The following CYP27C1 variants were observed in gnomAD, a reference collection of about 807,000 sequenced individuals.
The protein encoded by CYP27C1 is cytochrome P450 family 27 subfamily C member 1.
A neutral mutation model predicts 40.6 loss-of-function variants in CYP27C1; 29 were observed. The observed-to-expected ratio is 0.71, with a 90% CI of 0.53 to 0.97. CYP27C1 has a LOEUF of 0.97. Among genes scored for constraint, CYP27C1 ranks in the 50% least tolerant of loss-of-function variants. The pLI is 0.00. For synonymous variants in CYP27C1, 198 were observed against 186.8 expected (o/e 1.06, Z -0.49); for missense variants, 390 against 485.8 (o/e 0.80, Z 1.85).
chr2:127,193,041 C>T, intron 8 of CYP27C1, 53 bp downstream of exon 8: 1 of 1,595,134 alleles, frequency 6.3e-7, no homozygotes, highest in Non-Finnish European at 8.6e-7. Context: ...TCCTGTTGTG[C>T]CCAGTAGAAA....
Position 127,218,526 on chromosome 2 carries a change from C to T in CYP27C1, c.282+1463G>A, listed in dbSNP as rs1683486893. Among the ~76,000 whole-genome samples the T allele has an allele frequency of 6.6e-6, 1 of 152,114 alleles. No homozygotes were observed. The highest frequency in any genetic ancestry group is 2.4e-5 in the African/African-American group (1 of 41,414). On this transcript the variant is annotated intron_variant, in intron 1 of 8. Transcript: ENST00000664447. This position sits in a 1 kb window ranked among gnomAD's most constrained non-coding sequence, Gnocchi z 6.0. The stretch of plus-strand genomic sequence containing the variant: ...CGGACTTGAGGAGGGACGGTTGGGA[C>T]TTCCTGGCATTAAAATTAAATTAAA...
chr2:127,188,412 T>C (rs1023780577), intron 8 of CYP27C1, among the ~76,000 whole-genome samples: 4 of 152,148 alleles, frequency 2.6e-5, no homozygotes, highest in Admixed American at 1.3e-4. Flanking sequence ...AACTTTTTAA[T>C]TTTTTCATAG....
At chr2:127,207,856 G>A (rs1245761743) in intron 1 of CYP27C1, among the ~76,000 whole-genome samples, 1 of 152,152 alleles carries the variant, frequency 6.6e-6, no homozygotes, top group East Asian at 1.9e-4. Flanking sequence ...GATATCCCAT[G>A]TTCATGGACT....
chr2:127,205,647 C>A (rs1683209120), intron 2 of CYP27C1: 8 of 983,460 alleles, frequency 8.1e-6, no homozygotes, highest in Non-Finnish European at 8.5e-6. Flanking sequence ...GCTTCCGAAG[C>A]GCTCTGCCCA....
At chr2:127,203,090 C>T (rs146188963) in intron 3 of CYP27C1, among the ~76,000 whole-genome samples, 3,405 of 151,988 alleles carry the variant, frequency 0.022, 130 homozygotes, top group African/African-American at 0.079. Flanking sequence ...ATCGCTTGAA[C>T]CTGGGAGGCA....
intron 2 of CYP27C1, chr2:127,205,574 G>A: frequency 3.5e-6 from 2 of 568,482 alleles, no homozygotes; most frequent in Non-Finnish European, 4.5e-6. Context: ...GCACAGACAA[G>A]GGCGCTGTGA....
At chr2:127,187,445 C>G in intron 8 of CYP27C1, 58 bp from the exon 9 acceptor site, 2 of 1,447,880 alleles carry the variant, frequency 1.4e-6, no homozygotes, top group Non-Finnish European at 1.9e-6. Flanking sequence ...ATTCTCAGTG[C>G]TCCCTGAATG....
intron 2 of CYP27C1, among the ~76,000 whole-genome samples, chr2:127,204,444 G>GA (rs1558930829): frequency 4.3e-5 from 1 of 23,252 alleles, no homozygotes; most frequent in African/African-American, 1.8e-4. Flanking sequence ...GAAAGAAAAA[G>GA]AAAGAAAGAA....
chr2:127,186,057 A>T lies in CYP27C1; in HGVS notation c.*1214T>A, dbSNP rs1373877523. On this transcript the variant is annotated 3_prime_UTR_variant, in exon 9 of 9. Transcript: ENST00000664447. The surrounding 1 kb of genome is among the most constrained non-coding windows in gnomAD (Gnocchi z 4.5). Reference sequence around the variant, plus strand: ...CTGTAGCATCTCTATTTATGTATTTATTTTCCCTTGAAATAAAAATGTTCT... The same window carrying T: ...CTGTAGCATCTCTATTTATGTATTTTTTTTCCCTTGAAATAAAAATGTTCT... The T allele has an allele frequency of 6.6e-6, 1 of 152,126 alleles. No individual in the cohort carries two copies. The highest frequency in any genetic ancestry group is 1.9e-4 in the East Asian group (1 of 5,206). The allele number at this position is 152,126 out of a possible 1,614,324, so 9.4% of individuals were successfully genotyped here.
intron 8 of CYP27C1, among the ~76,000 whole-genome samples, chr2:127,189,113 GGTTT>G (rs1236946316): frequency 1.3e-5 from 2 of 151,868 alleles, no homozygotes; most frequent in African/African-American, 2.4e-5. Flanking sequence ...TTTTCTGAGT[GGTTT>G]GTTTGTTGAA....
At chr2:127,189,468 G>A (rs78593261) in intron 8 of CYP27C1, among the ~76,000 whole-genome samples, 14,892 of 152,004 alleles carry the variant, frequency 0.098, 854 homozygotes, top group Middle Eastern at 0.14. Context: ...ATAGGGGGAA[G>A]AGGAGGGAAA....
chr2:127,207,145 G>A (rs34703177), intron 1 of CYP27C1, among the ~76,000 whole-genome samples: 26,511 of 151,988 alleles, frequency 0.17, 2,830 homozygotes, highest in East Asian at 0.29. Context: ...TGGGTGGATC[G>A]CTAGAGCACA....
chr2:127,208,481 A>G lies in CYP27C1; in HGVS notation c.283-2391T>C, dbSNP rs1388281519. 6.6e-6 allele frequency among the ~76,000 whole-genome samples: 1 copy of G among 152,198 alleles called. No homozygotes were observed. Among genetic ancestry groups the G allele is most frequent in the Non-Finnish European group, 1.5e-5 (1 of 68,034 alleles). ...TCTCAGCTGGAATCTGTTTAAGCCT[A>G]CTGAACTCCTGAGGGGATGGGCGAC... On this transcript the variant is annotated intron_variant, in intron 1 of 8. Coordinates refer to ENST00000664447, the MANE Select transcript of CYP27C1 (RefSeq NM_001367502.1). The surrounding 1 kb of genome is among the most constrained non-coding windows in gnomAD (Gnocchi z 5.2).
chr2:127,198,186 T>TACACACACACACACACACAC lies in CYP27C1; in HGVS notation c.1047+1170_1047+1189dup, dbSNP rs3033450. Reference sequence around the variant, plus strand: ...GCTCCATTCACAGGGAATTTGTTGATACACACACACACACACACACACACA... The same window carrying TACACACACACACACACACAC: ...GCTCCATTCACAGGGAATTTGTTGATACACACACACACACACACACACACACACACACACACACACACACA... On this transcript the variant is annotated intron_variant, in intron 5 of 8. Coordinates refer to ENST00000664447, the MANE Select transcript of CYP27C1 (RefSeq NM_001367502.1). Among the ~76,000 whole-genome samples the TACACACACACACACACACAC allele has an allele frequency of 5.0e-4, 74 of 148,174 alleles. 1 individual carries two copies. Among genetic ancestry groups the TACACACACACACACACACAC allele is most frequent in the South Asian group, 3.7e-3 (17 of 4,604 alleles).
intron 2 of CYP27C1, among the ~76,000 whole-genome samples, chr2:127,204,648 G>T (rs1341133066): frequency 6.6e-6 from 1 of 150,844 alleles, no homozygotes; most frequent in Admixed American, 6.6e-5. Flanking sequence ...TGTTACCAGG[G>T]TGTGGGAAAG....
chr2:127,199,419 A>T lies in CYP27C1; in HGVS notation c.1004T>A (p.Ile335Asn), dbSNP rs2104684446. The T allele has an allele frequency of 6.2e-6, 10 of 1,614,164 alleles. No homozygotes were observed. The South Asian group carries it at 9.9e-5, about 16-fold the overall frequency. ...FLSQALTLQE[I>N]YANVTEMLLA... ...CAGCATCTCAGTCACGTTGGCGTAG[A>T]TCTCCTGCAGCGTCAGAGCCTGGCT... Residue 335 changes from isoleucine (I) to asparagine (N), a missense_variant, in exon 5 of 9, where the codon ATC (isoleucine) becomes AAC (asparagine). Physicochemically the swap from Ile to Asn is moderately radical, Grantham distance 149 (BLOSUM62 -3). Coordinates refer to ENST00000664447, the MANE Select transcript of CYP27C1 (RefSeq NM_001367502.1).
At position 127,200,664 on chromosome 2, in the gene CYP27C1, T is replaced by C. The variant is rs1205790464; in HGVS notation, c.883+458A>G. The stretch of plus-strand genomic sequence containing the variant: ...ACAACCCACATGCTTTTTGCTTCTT[T>C]GAAAAACAAATCCATGGCCAGGCGT... On this transcript the variant is annotated intron_variant, in intron 4 of 8. Coordinates refer to ENST00000664447, the MANE Select transcript of CYP27C1 (RefSeq NM_001367502.1). This position sits in a 1 kb window ranked among gnomAD's most constrained non-coding sequence, Gnocchi z 4.2. Among the ~76,000 whole-genome samples the C allele has an allele frequency of 6.6e-6, 1 of 152,128 alleles. No homozygotes were observed. The highest frequency in any genetic ancestry group is 1.9e-4 in the East Asian group (1 of 5,192).
rs1193750442 is a variant in CYP27C1 at position 127,218,375 on chromosome 2, C to A, written c.282+1614G>T. Among the ~76,000 whole-genome samples, 1 of 152,020 alleles carries A rather than the reference C, an allele frequency of 6.6e-6. No homozygotes were observed. The highest frequency in any genetic ancestry group is 1.5e-5 in the Non-Finnish European group (1 of 68,000). On this transcript the variant is annotated intron_variant, in intron 1 of 8. Coordinates refer to ENST00000664447, the MANE Select transcript of CYP27C1 (RefSeq NM_001367502.1). The surrounding 1 kb of genome is among the most constrained non-coding windows in gnomAD (Gnocchi z 6.0). ...AACCCATCAACAGCAAATAACAAAA[C>A]ACTTTTTACTGTATTTGAAAGTTGC...
intron 6 of CYP27C1, among the ~76,000 whole-genome samples, chr2:127,194,441 G>C (rs1362504373): frequency 6.6e-6 from 1 of 152,074 alleles, no homozygotes; most frequent in African/African-American, 2.4e-5. Flanking sequence ...TTTGCTTTTT[G>C]TCGCAGCATT....
Sources: gnomAD v4.1 joint callset for allele counts (sites outside exome capture counted in the v4.1 genomes callset) on GRCh38, gnomAD v4.1.1 for gene constraint, Gnocchi (gnomAD v3.1) non-coding constraint, MANE v1.5 for transcripts, NCBI Gene and HGNC (gene_info 2026-07-23, HGNC 2026-07-21) for gene names.